The following DHX29 variants were observed in gnomAD, a reference collection of about 807,000 sequenced individuals.
DHX29 encodes DExH-box helicase 29.
DHX29 carries 79 observed loss-of-function variants against 167.9 expected under a neutral mutation model. That is an observed-to-expected ratio of 0.47 (90% confidence interval 0.39 to 0.57). The LOEUF is 0.57. DHX29 is among the 20% of genes least tolerant of loss of function. The pLI, the probability that DHX29 is intolerant of heterozygous loss-of-function variation, is 0.00. For synonymous variants in DHX29, 530 were observed against 546.0 expected (o/e 0.97, Z 0.41); for missense variants, 1,347 against 1,593.4 (o/e 0.85, Z 2.63).
At chr5:55,267,893 A>G in intron 21 of DHX29, 71 bp from the exon 22 acceptor site, 1 of 1,216,752 alleles carries the variant, frequency 8.2e-7, no homozygotes, top group East Asian at 2.7e-5. Context: ...AACTTATAAA[A>G]GAAAGCAAAT....
intron 14 of DHX29, among the ~76,000 whole-genome samples, chr5:55,275,578 A>G (rs1040863786): frequency 1.3e-5 from 2 of 152,298 alleles, no homozygotes; most frequent in Non-Finnish European, 2.9e-5. Flanking sequence ...TCAAATTGGA[A>G]ACATGCATGA....
intron 26 of DHX29, among the ~76,000 whole-genome samples, chr5:55,258,761 G>A (rs1162368891): frequency 5.3e-5 from 8 of 151,940 alleles, no homozygotes; most frequent in South Asian, 2.1e-4. Context: ...CTATGTTACC[G>A]AGGCTAGTCT....
intron 23 of DHX29, among the ~76,000 whole-genome samples, chr5:55,264,320 A>T (rs1746450276): frequency 6.6e-6 from 1 of 152,172 alleles, no homozygotes; most frequent in South Asian, 2.1e-4. Context: ...CAACCTGAGT[A>T]ATGGGCTAAA....
chr5:55,265,500 C>T (rs1746514580), intron 23 of DHX29, among the ~76,000 whole-genome samples: 1 of 151,976 alleles, frequency 6.6e-6, no homozygotes. Flanking sequence ...TCAGCCATAT[C>T]CAGAATGCAG....
chr5:55,271,143 G>A (rs557600904), intron 18 of DHX29, among the ~76,000 whole-genome samples: 26 of 152,236 alleles, frequency 1.7e-4, no homozygotes, highest in Admixed American at 1.1e-3. Context: ...TTGAATGGTG[G>A]TACTCTCTTG....
In DHX29 at chr5:55,262,620, A is replaced by G. The variant is rs752126695; in HGVS notation, c.3828+10T>C. The G allele has an allele frequency of 1.2e-6, 2 of 1,612,406 alleles. No individual in the cohort carries two copies. Among genetic ancestry groups the G allele is most frequent in the Admixed American group, 1.7e-5 (1 of 59,940 alleles). On this transcript the variant is annotated intron_variant, in intron 24 of 26. Coordinates refer to ENST00000251636, the MANE Select transcript of DHX29 (RefSeq NM_019030.4). ...CTCTGAATACTGGAATTTAGGAATG[A>G]GTACTTCACCTTCTCCTGGTATAAG... is the stretch of plus-strand genomic sequence containing the variant.
chr5:55,287,709 G>A (rs1200430866), intron 8 of DHX29, among the ~76,000 whole-genome samples: 1 of 151,964 alleles, frequency 6.6e-6, no homozygotes, highest in Admixed American at 6.6e-5. Flanking sequence ...AGCACTTTGG[G>A]AGGCCAAGGA....
chr5:55,292,894 T>C (rs577176556), intron 6 of DHX29, among the ~76,000 whole-genome samples: 1 of 152,248 alleles, frequency 6.6e-6, no homozygotes, highest in South Asian at 2.1e-4. Flanking sequence ...GACCTCTTCT[T>C]TCTCCAAATC....
In DHX29 at chr5:55,294,055, T is replaced by C. The variant is rs1287435498; in HGVS notation, c.742A>G (p.Asn248Asp). The change falls in exon 6 of 27, where the codon AAT becomes GAT. Residue 248 changes from asparagine (N) to aspartate (D), a missense_variant. Around this residue, in one of 3 missense-constraint regions of DHX29, gnomAD observed 405 missense variants for 416.8 expected, o/e 0.97. Transcript: ENST00000251636. The part of the protein sequence containing the change: ...EQQNEEEKNE[N>D]SKSLEEEEKF... ...TCCTCCTCTTCTAAACTTTTAGAAT[T>C]CTCATTCTTTTCTTCTTCATTTTGT... 1 of 1,608,854 alleles carries C rather than the reference T, an allele frequency of 6.2e-7. No homozygotes were observed. Among genetic ancestry groups the C allele is most frequent in the Admixed American group, 1.7e-5 (1 of 59,522 alleles).
At chr5:55,282,704 G>T (rs995272551) in intron 11 of DHX29, among the ~76,000 whole-genome samples, 1 of 151,950 alleles carries the variant, frequency 6.6e-6, no homozygotes, top group African/African-American at 2.4e-5. Flanking sequence ...TACTTGCATG[G>T]CAAAATGCAT....
chr5:55,288,973 T>C (rs1421751683), intron 8 of DHX29, among the ~76,000 whole-genome samples: 2 of 152,194 alleles, frequency 1.3e-5, no homozygotes, highest in East Asian at 1.9e-4. Flanking sequence ...CTCACAGCCA[T>C]TAAAGGTGGC....
chr5:55,274,784 T>C, intron 15 of DHX29, 53 bp from the exon 16 acceptor site: 9 of 1,561,782 alleles, frequency 5.8e-6, no homozygotes, highest in Non-Finnish European at 7.8e-6. Context: ...AGGAACAGCA[T>C]ATAAAATATT....
At chr5:55,304,808 AT>A (rs1333801652) in intron 1 of DHX29, among the ~76,000 whole-genome samples, 1 of 152,340 alleles carries the variant, frequency 6.6e-6, no homozygotes, top group South Asian at 2.1e-4. Flanking sequence ...GTGCCGTCAA[AT>A]TGGAAAGATA....
At position 55,298,618 on chromosome 5, in the gene DHX29, A is replaced by G; in HGVS notation, c.234T>C (p.Pro78=). ...TCAAAATAGATTTATCCAGATTTGC[A>G]GGACCACTAGAATCATTTGTAGAAT... The part of the protein sequence containing the change: ...SFNSTNDSSG[P]ANLDKSILKV... The change falls in exon 2 of 27, where the codon CCT becomes CCC. Residue 78 remains proline (P), a synonymous_variant. Coordinates refer to ENST00000251636, the MANE Select transcript of DHX29 (RefSeq NM_019030.4). 6.4e-7 allele frequency: 1 copy of G among 1,557,182 alleles called. No individual in the cohort carries two copies. Among genetic ancestry groups the G allele is most frequent in the Non-Finnish European group, 8.8e-7 (1 of 1,130,066 alleles).
intron 16 of DHX29, 56 bp downstream of exon 16, chr5:55,274,558 A>G: frequency 7.6e-7 from 1 of 1,308,960 alleles, no homozygotes; most frequent in Non-Finnish European, 1.1e-6. Context: ...GTTTTAATGT[A>G]CCAAATATTT....
intron 1 of DHX29, among the ~76,000 whole-genome samples, chr5:55,302,066 A>G (rs1748632900): frequency 6.6e-6 from 1 of 152,214 alleles, no homozygotes; most frequent in Admixed American, 6.5e-5. Context: ...TACATGGCAT[A>G]TGTAAAAAGA....
chr5:55,289,511 T>A, intron 7 of DHX29, 83 bp from the exon 8 acceptor site: 1 of 1,159,190 alleles, frequency 8.6e-7, no homozygotes, highest in Non-Finnish European at 1.2e-6. Context: ...TTGGTATTTA[T>A]ACACCAAGAG....
At chr5:55,299,541 G>C (rs952246763) in intron 1 of DHX29, among the ~76,000 whole-genome samples, 1 of 152,074 alleles carries the variant, frequency 6.6e-6, no homozygotes, top group Non-Finnish European at 1.5e-5. Flanking sequence ...CAAAATCATG[G>C]TGTGAGCAGG....
intron 16 of DHX29, among the ~76,000 whole-genome samples, chr5:55,274,375 CAG>C (rs1484129790): frequency 6.6e-6 from 1 of 151,882 alleles, no homozygotes; most frequent in African/African-American, 2.4e-5. Context: ...TCCTGGGCAA[CAG>C]AGAGAGAATC....
Sources: gnomAD v4.1 joint callset for allele counts (sites outside exome capture counted in the v4.1 genomes callset) on GRCh38, gnomAD v4.1.1 for gene constraint, gnomAD v4.1.1 regional missense constraint, MANE v1.5 for transcripts, NCBI Gene and HGNC (gene_info 2026-07-23, HGNC 2026-07-21) for gene names.